Variants in TMEM230 observed in about 807,000 individuals in gnomAD.
TMEM230 encodes the protein UPF0414 transmembrane protein C20orf30.
A neutral mutation model predicts 15.8 loss-of-function variants in TMEM230; 10 were observed. The ratio of observed to expected loss-of-function variants is 0.63; its 90% CI spans 0.39 to 1.07. TMEM230 has a LOEUF of 1.07. Ranked by LOEUF, TMEM230 falls within the 50% of genes least tolerant of loss-of-function variation. TMEM230 has a pLI of 0.01. For synonymous variants in TMEM230, 67 were observed against 76.9 expected, an observed-to-expected ratio of 0.87 and a Z score of 0.68; for missense variants, 165 against 193.3, an observed-to-expected ratio of 0.85 and a Z score of 0.87.
intron 3 of TMEM230, among the ~76,000 whole-genome samples, chr20:5,081,968 G>A (rs2089193102): frequency 6.6e-6 from 1 of 150,688 alleles, no homozygotes; most frequent in Non-Finnish European, 1.5e-5. Flanking sequence ...CTGCCTCTCG[G>A]GTTCAAGCAA....
downstream of TMEM230, among the ~76,000 whole-genome samples, chr20:5,064,517 G>A (rs138748420): frequency 7.3e-5 from 11 of 150,188 alleles, no homozygotes; most frequent in South Asian, 1.5e-3. Flanking sequence ...TGGAGGTTGC[G>A]GTGAGCCAAG....
At chr20:5,077,980 G>C (rs575826176) in intron 3 of TMEM230, among the ~76,000 whole-genome samples, 1 of 152,308 alleles carries the variant, frequency 6.6e-6, no homozygotes, top group African/African-American at 2.4e-5. Context: ...CATGGGGCCT[G>C]GGGGCTTAGC....
downstream of TMEM230, among the ~76,000 whole-genome samples, chr20:5,067,719 G>A (rs2122525424): frequency 6.8e-6 from 1 of 148,080 alleles, no homozygotes; most frequent in East Asian, 2.0e-4. Context: ...TGGGATTAAG[G>A]CATGAGCCAC....
chr20:5,074,675 A>T (rs1295830161), intron 3 of TMEM230, among the ~76,000 whole-genome samples: 1 of 152,142 alleles, frequency 6.6e-6, no homozygotes, highest in African/African-American at 2.4e-5. Flanking sequence ...ATGGTGGTAC[A>T]TGCTTGTAAT....
chr20:5,079,224 A>C (rs1181067974), intron 3 of TMEM230, among the ~76,000 whole-genome samples: 1 of 152,172 alleles, frequency 6.6e-6, no homozygotes, highest in Non-Finnish European at 1.5e-5. Flanking sequence ...CCTGGGTTCA[A>C]GGAATCCTCC....
chr20:5,065,988 C>G (rs2088648579), downstream of TMEM230: 1 of 152,428 alleles, frequency 6.6e-6, no homozygotes, highest in Non-Finnish European at 1.5e-5. Context: ...CGAAGGAGGC[C>G]ACAAGTTCCC....
intron 4 of TMEM230, among the ~76,000 whole-genome samples, chr20:5,104,249 A>G (rs1035451269): frequency 3.3e-5 from 5 of 152,182 alleles, no homozygotes; most frequent in Non-Finnish European, 7.3e-5. Flanking sequence ...ATATAGACAC[A>G]AGGTCTCGCT....
chr20:5,109,838 CA>C (rs1653351629), intron 2 of TMEM230, among the ~76,000 whole-genome samples: 1 of 152,078 alleles, frequency 6.6e-6, no homozygotes, highest in African/African-American at 2.4e-5. Context: ...CACCTGACAC[CA>C]CAGCATTGCC....
Position 5,100,790 on chromosome 20 carries a change from G to A in TMEM230, c.*1C>T. The A allele has an allele frequency of 6.2e-7, 1 of 1,613,048 alleles. No homozygotes were observed. Among genetic ancestry groups the A allele is most frequent in the South Asian group, 1.1e-5 (1 of 91,018 alleles). Reference sequence around the variant, plus strand: ...ACTCCTCCTCAGCTATGGGGTGGGTGCTAGTCATCAAAGTCTGGAATGTCA... The same window carrying A: ...ACTCCTCCTCAGCTATGGGGTGGGTACTAGTCATCAAAGTCTGGAATGTCA... On this transcript the variant is annotated 3_prime_UTR_variant, in exon 5 of 5. Transcript: ENST00000342308.
chr20:5,100,680 C>A lies in TMEM230; in HGVS notation c.*111G>T. ...ACCCAAAAAATCTGGCCATTATTTTCTTAAACATCTGCAAGCTGCAGAATT... is the reference window on the plus strand; with the variant it reads ...ACCCAAAAAATCTGGCCATTATTTTATTAAACATCTGCAAGCTGCAGAATT... On this transcript the variant is annotated 3_prime_UTR_variant, in exon 5 of 5. Transcript: ENST00000342308. 1 of 1,494,648 alleles carries A rather than the reference C, an allele frequency of 6.7e-7. No individual in the cohort carries two copies. The highest frequency in any genetic ancestry group is 8.9e-7 in the Non-Finnish European group (1 of 1,123,390). 92.6% of individuals were successfully genotyped at this position (1,494,648 alleles called of 1,614,324 possible).
chr20:5,087,065 G>A (rs1259718237), intron 3 of TMEM230, among the ~76,000 whole-genome samples: 1 of 152,086 alleles, frequency 6.6e-6, no homozygotes, highest in Non-Finnish European at 1.5e-5. Context: ...GTAGAGATGA[G>A]GTCTTGCTAT....
intron 3 of TMEM230, among the ~76,000 whole-genome samples, chr20:5,076,850 G>C (rs1231509423): frequency 6.6e-6 from 1 of 151,032 alleles, no homozygotes; most frequent in Non-Finnish European, 1.5e-5. Flanking sequence ...GCTAATTTTT[G>C]TATTTTTAGT....
chr20:5,067,119 C>T (rs1204564652), downstream of TMEM230: 1 of 152,050 alleles, frequency 6.6e-6, no homozygotes, highest in African/African-American at 2.4e-5. Context: ...GGGCACCAGG[C>T]TCAGTCCTGC....
At chr20:5,102,773 A>C (rs1257425791) in intron 4 of TMEM230, among the ~76,000 whole-genome samples, 1 of 152,050 alleles carries the variant, frequency 6.6e-6, no homozygotes, top group Non-Finnish European at 1.5e-5. Context: ...AACTGATTCT[A>C]CTAGGCCAGT....
downstream of TMEM230, among the ~76,000 whole-genome samples, chr20:5,063,847 G>A (rs1568474059): frequency 1.3e-5 from 2 of 151,914 alleles, no homozygotes; most frequent in African/African-American, 2.4e-5. Context: ...GTTCCAAGGG[G>A]AAATAAAAAC....
At chr20:5,096,546 CCTT>C (rs1308146490), downstream of TMEM230, among the ~76,000 whole-genome samples, 1 of 152,186 alleles carries the variant, frequency 6.6e-6, no homozygotes, top group Admixed American at 6.5e-5. Flanking sequence ...CTGTTACTGT[CCTT>C]CTACCAGGTT....
intron 3 of TMEM230, among the ~76,000 whole-genome samples, chr20:5,072,352 A>G (rs995709124): frequency 1.3e-5 from 2 of 152,058 alleles, no homozygotes; most frequent in African/African-American, 4.8e-5. Flanking sequence ...CTCCATACTC[A>G]GCCCCTTTCG....
At chr20:5,084,131 G>A (rs1600306486) in intron 3 of TMEM230, among the ~76,000 whole-genome samples, 2 of 152,018 alleles carry the variant, frequency 1.3e-5, no homozygotes, top group South Asian at 2.1e-4. Flanking sequence ...CTGTTCCTGC[G>A]TTAATTCATT....
At chr20:5,074,981 G>A (rs2088943938) in intron 3 of TMEM230, among the ~76,000 whole-genome samples, 1 of 150,706 alleles carries the variant, frequency 6.6e-6, no homozygotes, top group Non-Finnish European at 1.5e-5. Context: ...AATGTTATAT[G>A]TTTTTTTACC....
Sources: gnomAD v4.1 joint callset for allele counts (sites outside exome capture counted in the v4.1 genomes callset) on GRCh38, gnomAD v4.1.1 for gene constraint, MANE v1.5 for transcripts, NCBI Gene and HGNC (gene_info 2026-07-23, HGNC 2026-07-21) for gene names.